The following GRIA2 variants were observed in gnomAD, a reference collection of about 807,000 sequenced individuals.
The protein encoded by GRIA2 is glutamate ionotropic receptor AMPA type subunit 2, also known as glutamate receptor 2.
GRIA2 carries 14 observed loss-of-function variants against 97.3 expected under a neutral mutation model. The ratio of observed to expected loss-of-function variants is 0.14; its 90% confidence interval spans 0.10 to 0.23. The LOEUF (loss-of-function observed/expected upper bound fraction) is 0.23. GRIA2 is among the 10% of genes least tolerant of loss of function. The probability of loss-of-function intolerance (pLI) is 1.00; values close to 1 mark genes in which losing one functional copy is unlikely to be tolerated. For missense variants in GRIA2, 558 were observed against 1,069.8 expected (o/e 0.52, Z 6.67); for synonymous variants, 412 against 387.8 (o/e 1.06, Z -0.73).
At chr4:157,241,959 C>T (rs988172724) in intron 2 of GRIA2, among the ~76,000 whole-genome samples, 2 of 152,018 alleles carry the variant, frequency 1.3e-5, no homozygotes, top group Non-Finnish European at 2.9e-5. Flanking sequence ...TTCCACATTA[C>T]CAATCTTATT....
intron 12 of GRIA2, among the ~76,000 whole-genome samples, chr4:157,350,016 C>A (rs980252369): frequency 6.6e-6 from 1 of 152,092 alleles, no homozygotes; most frequent in Non-Finnish European, 1.5e-5. Context: ...CCAAACAATT[C>A]TTGAATGTAC....
At chr4:157,263,480 C>T (rs1731636585) in intron 2 of GRIA2, among the ~76,000 whole-genome samples, 1 of 151,710 alleles carries the variant, frequency 6.6e-6, no homozygotes, top group Admixed American at 6.6e-5. Context: ...GTTTAAGGAA[C>T]GCAGAGCTCA....
chr4:157,265,666 T>C lies in GRIA2; in HGVS notation c.230-37886T>C, dbSNP rs1449105579. Among the ~76,000 whole-genome samples, 2 of 152,112 alleles carry C rather than the reference T, an allele frequency of 1.3e-5. 1 individual carries two copies. Among genetic ancestry groups the C allele is most frequent in the Non-Finnish European group, 2.9e-5 (2 of 68,004 alleles). ...ATATATTTCAATCTTAATAGAGCTGTGACCAAGAAGCTGTAGCCAACTTTA... is the reference window on the plus strand; with the variant it reads ...ATATATTTCAATCTTAATAGAGCTGCGACCAAGAAGCTGTAGCCAACTTTA... On this transcript the variant is annotated intron_variant, in intron 2 of 15. Coordinates refer to ENST00000264426, the MANE Select transcript of GRIA2 (RefSeq NM_001083619.3).
chr4:157,357,869 G>A lies in GRIA2; in HGVS notation c.2044-2027G>A, dbSNP rs72687324. Among the ~76,000 whole-genome samples the A allele has an allele frequency of 2.9e-3, 444 of 151,966 alleles. 2 individuals carry two copies. Among genetic ancestry groups the A allele is most frequent in the Middle Eastern group, 6.8e-3 (2 of 294 alleles). On this transcript the variant is annotated intron_variant, in intron 12 of 15. Transcript: ENST00000264426. ...TAGAGAAATATTCTTAAAACCAGCC[G>A]AAAATATTTTATGAATGAAACAGAA...
chr4:157,256,254 AAT>A (rs1561013314), intron 2 of GRIA2, among the ~76,000 whole-genome samples: 2,886 of 103,312 alleles, frequency 0.028, 35 homozygotes, highest in Non-Finnish European at 0.036. Context: ...ATAATATATA[AAT>A]TATATATTAC....
intron 12 of GRIA2, among the ~76,000 whole-genome samples, chr4:157,347,035 C>G (rs1560776731): frequency 6.6e-6 from 1 of 152,098 alleles, no homozygotes; most frequent in Non-Finnish European, 1.5e-5. Flanking sequence ...CTAACGTTAG[C>G]TGGGTTAACA....
At chr4:157,248,483 C>T (rs931418249) in intron 2 of GRIA2, among the ~76,000 whole-genome samples, 2 of 135,664 alleles carry the variant, frequency 1.5e-5, no homozygotes, top group Non-Finnish European at 3.2e-5. Context: ...AGGAGAATTG[C>T]TTGAACTCGG....
intron 14 of GRIA2, chr4:157,362,588 T>C: frequency 3.3e-6 from 2 of 609,320 alleles, no homozygotes; most frequent in Admixed American, 2.5e-5. Context: ...AGGTAGTCGA[T>C]TGAGTCCACC....
rs1734593521 is a variant in GRIA2, at chr4:157,322,025, A to G, written c.882+426A>G. ...AAACTCTTAGCGACATGGAGGGGGT[A>G]GGGAATTTTTAAGCTGAGACCTGAA... On this transcript the variant is annotated intron_variant, in intron 6 of 15. Transcript: ENST00000264426. Among the ~76,000 whole-genome samples the G allele has an allele frequency of 2.6e-5, 4 of 152,116 alleles. 1 individual carries two copies. The South Asian group carries it at 6.2e-4, about 24-fold the overall frequency.
intron 2 of GRIA2, among the ~76,000 whole-genome samples, chr4:157,235,775 A>G (rs925114518): frequency 6.6e-6 from 1 of 152,028 alleles, no homozygotes; most frequent in Non-Finnish European, 1.5e-5. Flanking sequence ...TCTTCAAATC[A>G]GTTTAAACTG....
At chr4:157,241,714 A>G (rs1325893947) in intron 2 of GRIA2, among the ~76,000 whole-genome samples, 1 of 152,088 alleles carries the variant, frequency 6.6e-6, no homozygotes. Context: ...GGTTCTATCT[A>G]AATAATGCTT....
intron 2 of GRIA2, among the ~76,000 whole-genome samples, chr4:157,235,705 T>C (rs184260284): frequency 1.6e-3 from 236 of 152,146 alleles, no homozygotes; most frequent in African/African-American, 5.5e-3. Context: ...CGCATCATAT[T>C]TGGAGATGAA....
At chr4:157,242,574 G>A (rs920147485) in intron 2 of GRIA2, among the ~76,000 whole-genome samples, 9 of 151,470 alleles carry the variant, frequency 5.9e-5, no homozygotes, top group African/African-American at 2.2e-4. Context: ...ATTCAGAAAA[G>A]TTTACCACTT....
At chr4:157,328,754 A>T (rs1159583726) in intron 6 of GRIA2, among the ~76,000 whole-genome samples, 1 of 152,176 alleles carries the variant, frequency 6.6e-6, no homozygotes, top group East Asian at 1.9e-4. Context: ...TTCAGTAAAG[A>T]TTAATAGCCA....
At chr4:157,221,370 C>T (rs1173662222) in intron 1 of GRIA2, 1 of 562,346 alleles carries the variant, frequency 1.8e-6, no homozygotes, top group Non-Finnish European at 3.1e-6. Flanking sequence ...ATTAATTCTG[C>T]CTTAGCGACA....
intron 12 of GRIA2, among the ~76,000 whole-genome samples, chr4:157,352,592 C>T (rs72962898): frequency 1.5e-3 from 229 of 151,642 alleles, no homozygotes; most frequent in African/African-American, 5.0e-3. Flanking sequence ...TGGTGATGGG[C>T]GCCTGTAATC....
At position 157,317,679 on chromosome 4, in the gene GRIA2, G is replaced by A. The variant is rs199950609; in HGVS notation, c.688G>A (p.Val230Ile). Residue 230 changes from valine (V) to isoleucine (I), a missense_variant, in exon 5 of 16, where the codon GTT becomes ATT. Physicochemically the swap from Val to Ile is conservative, Grantham distance 29. Around this residue, in one of 8 missense-constraint regions of GRIA2, gnomAD observed 173 missense variants for 209.1 expected, o/e 0.83. Transcript: ENST00000264426. Reference sequence around the variant, plus strand: ...TTAGGTTATTACCATTGGAAAACATGTTAAAGGGTACCACTACATCATTGC... The same window carrying A: ...TTAGGTTATTACCATTGGAAAACATATTAAAGGGTACCACTACATCATTGC... Reference protein sequence around the residue: ...VDQVITIGKHVKGYHYIIANL... With the variant: ...VDQVITIGKHIKGYHYIIANL... 310 of 1,219,192 alleles carry A rather than the reference G, an allele frequency of 2.5e-4. No individual in the cohort carries two copies. Among genetic ancestry groups the A allele is most frequent in the East Asian group, 6.7e-4 (28 of 41,858 alleles). The allele number at this position is 1,219,192 out of a possible 1,614,324, so 75.5% of individuals were successfully genotyped here. A position where few individuals can be genotyped will look rare whatever the true frequency, so the allele number is the denominator to read the frequency against.
intron 12 of GRIA2, among the ~76,000 whole-genome samples, chr4:157,355,933 TTA>T (rs1736298346): frequency 4.3e-5 from 1 of 23,468 alleles, no homozygotes; most frequent in African/African-American, 1.2e-4. Context: ...TTATATATAT[TTA>T]TATATTAATA....
intron 2 of GRIA2, among the ~76,000 whole-genome samples, chr4:157,283,017 AT>A (rs1220784063): frequency 6.6e-6 from 1 of 152,050 alleles, no homozygotes; most frequent in African/African-American, 2.4e-5. Flanking sequence ...TTTAAAACGG[AT>A]TTTATTTTTG....
Sources: allele counts gnomAD v4.1 joint callset (sites outside exome capture counted in the v4.1 genomes callset), GRCh38; gene constraint gnomAD v4.1.1; regional missense constraint gnomAD v4.1.1; transcripts MANE v1.5; gene names NCBI Gene and HGNC (gene_info 2026-07-23, HGNC 2026-07-21).